Variants in PCED1B observed in about 807,000 individuals in gnomAD.
PCED1B encodes the protein PC-esterase domain-containing protein 1B.
For synonymous variants in PCED1B, 251 were observed against 246.1 expected (o/e 1.02, Z -0.19); for missense variants, 573 against 573.9 (o/e 1.00, Z 0.02).
In PCED1B at chr12:47,119,912, A is replaced by T. The variant is rs7955924; in HGVS notation, c.-526+15717A>T. On this transcript the variant is annotated intron_variant, in intron 2 of 3. Transcript: ENST00000546455. The stretch of plus-strand genomic sequence containing the variant: ...AACCCAGGGGGCGGAGGTTACATGA[A>T]CCAAGATCACACCACTGCACTCCAG... Among the ~76,000 whole-genome samples the T allele has an allele frequency of 2.0e-5, 3 of 151,376 alleles. No homozygotes were observed. In the South Asian group the frequency reaches 6.2e-4, roughly 32 times the overall value.
At chr12:47,165,327 A>G (rs1317585056) in intron 2 of PCED1B, among the ~76,000 whole-genome samples, 2 of 152,296 alleles carry the variant, frequency 1.3e-5, no homozygotes, top group Non-Finnish European at 1.5e-5. Context: ...AGACACCACT[A>G]TTTTACAGCC....
intron 2 of PCED1B, among the ~76,000 whole-genome samples, chr12:47,116,018 G>A (rs77563407): frequency 0.078 from 11,852 of 152,010 alleles, 722 homozygotes; most frequent in African/African-American, 0.18. Flanking sequence ...AAATAAATAA[G>A]GTATATAGAA....
chr12:47,107,787 A>G (rs1031564543), intron 2 of PCED1B, among the ~76,000 whole-genome samples: 1 of 152,172 alleles, frequency 6.6e-6, no homozygotes, highest in Non-Finnish European at 1.5e-5. Context: ...AACAGATACA[A>G]TGTCCCCCTA....
chr12:47,092,706 C>T (rs564227144), intron 1 of PCED1B, among the ~76,000 whole-genome samples: 14 of 152,098 alleles, frequency 9.2e-5, no homozygotes, highest in African/African-American at 3.4e-4. Flanking sequence ...TAATTGATTA[C>T]GTGTTTTCAT....
At chr12:47,208,379 C>G (rs1028840550) in intron 2 of PCED1B, 2 of 152,274 alleles carry the variant, frequency 1.3e-5, no homozygotes, top group African/African-American at 4.8e-5. Flanking sequence ...GAGTATAGCA[C>G]GCACCACCAC....
intron 2 of PCED1B, chr12:47,210,198 T>C (rs948995729): frequency 3.1e-4 from 47 of 152,248 alleles, no homozygotes; most frequent in Admixed American, 2.9e-3. Flanking sequence ...TACTGTTAGC[T>C]ATTTTTGTCA....
At chr12:47,186,489 A>C (rs546548054) in intron 2 of PCED1B, among the ~76,000 whole-genome samples, 1 of 152,128 alleles carries the variant, frequency 6.6e-6, no homozygotes, top group Non-Finnish European at 1.5e-5. Flanking sequence ...AGAGGGGGGC[A>C]CTTTCACAAG....
chr12:47,203,102 T>C (rs1214683368), intron 2 of PCED1B, among the ~76,000 whole-genome samples: 2 of 151,762 alleles, frequency 1.3e-5, no homozygotes, highest in East Asian at 3.9e-4. Context: ...CCCAAGTAAC[T>C]GGGACTACAG....
chr12:47,174,101 G>C (rs888467706), intron 2 of PCED1B, among the ~76,000 whole-genome samples: 2 of 151,972 alleles, frequency 1.3e-5, no homozygotes, highest in African/African-American at 4.8e-5. Context: ...GAAACATAGT[G>C]AGACTCTGTC....
intron 2 of PCED1B, among the ~76,000 whole-genome samples, chr12:47,198,296 A>G (rs767403756): frequency 6.6e-6 from 1 of 152,258 alleles, no homozygotes. Context: ...AGAAAAATGT[A>G]TATGCTCATA....
At chr12:47,100,214 A>T (rs1292459844) in intron 1 of PCED1B, among the ~76,000 whole-genome samples, 1 of 152,204 alleles carries the variant, frequency 6.6e-6, no homozygotes, top group Non-Finnish European at 1.5e-5. Context: ...GGTAGTATTC[A>T]GAACACTCAA....
At chr12:47,165,909 C>G (rs2137527697) in intron 2 of PCED1B, among the ~76,000 whole-genome samples, 1 of 152,224 alleles carries the variant, frequency 6.6e-6, no homozygotes, top group Non-Finnish European at 1.5e-5. Flanking sequence ...AATCATATGT[C>G]AACAGCTATA....
chr12:47,236,314 A>G lies in PCED1B; in HGVS notation c.1251A>G (p.Arg417=), dbSNP rs1160242098. The G allele has an allele frequency of 6.2e-7, 1 of 1,612,364 alleles. No homozygotes were observed. Among genetic ancestry groups the G allele is most frequent in the Admixed American group, 1.7e-5 (1 of 59,724 alleles). The change falls in exon 4 of 4, where the codon CGA becomes CGG. Residue 417 remains arginine, a synonymous_variant. Transcript: ENST00000546455. ...ATACGCCCTGGGGACAGCGGCCTCG[A>G]CCTTCAAAGAGAAGGGCCCCAGCCA... ...GPYTPWGQRP[R]PSKRRAPANP...
intron 2 of PCED1B, among the ~76,000 whole-genome samples, chr12:47,183,464 C>A (rs1050073413): frequency 1.3e-5 from 2 of 152,166 alleles, no homozygotes; most frequent in African/African-American, 2.4e-5. Context: ...TCAAAATATG[C>A]ATGTTCAAAA....
At chr12:47,196,466 T>C (rs1942604803) in intron 2 of PCED1B, among the ~76,000 whole-genome samples, 1 of 152,202 alleles carries the variant, frequency 6.6e-6, no homozygotes, top group African/African-American at 2.4e-5. Context: ...GCTCAGTAAG[T>C]TTTAGGTATT....
intron 1 of PCED1B, among the ~76,000 whole-genome samples, chr12:47,081,178 C>G (rs1041953515): frequency 1.3e-5 from 2 of 152,188 alleles, no homozygotes; most frequent in Non-Finnish European, 2.9e-5. Context: ...AAATTACTGC[C>G]TTGACAAAAG....
intron 2 of PCED1B, among the ~76,000 whole-genome samples, chr12:47,144,631 C>T (rs1398466835): frequency 6.6e-6 from 1 of 152,122 alleles, no homozygotes; most frequent in East Asian, 1.9e-4. Flanking sequence ...CATGGTATGG[C>T]CTACTACACA....
At chr12:47,139,787 G>A (rs1344585696) in intron 2 of PCED1B, among the ~76,000 whole-genome samples, 10 of 152,064 alleles carry the variant, frequency 6.6e-5, no homozygotes, top group Admixed American at 5.9e-4. Context: ...CATATGCTAT[G>A]GTGTGTGTGC....
intron 2 of PCED1B, among the ~76,000 whole-genome samples, chr12:47,112,730 A>C (rs1246203617): frequency 6.6e-6 from 1 of 152,228 alleles, no homozygotes; most frequent in Non-Finnish European, 1.5e-5. Flanking sequence ...TGTTTGTAAT[A>C]GACATAGTAC....
Sources: gnomAD v4.1 joint callset for allele counts (sites outside exome capture counted in the v4.1 genomes callset) on GRCh38, gnomAD v4.1.1 for gene constraint, MANE v1.5 for transcripts, NCBI Gene and HGNC (gene_info 2026-07-23, HGNC 2026-07-21) for gene names.